Variants in NIPBL observed in about 807,000 individuals in gnomAD.
NIPBL encodes NIPBL cohesin loading factor.
Under a neutral mutation model 321.8 loss-of-function variants are expected in NIPBL, and 19 were observed. That is an observed-to-expected ratio of 0.06 (90% confidence interval 0.04 to 0.09). The LOEUF is 0.09. Ranked by LOEUF, NIPBL falls within the 10% of genes least tolerant of loss-of-function variation. NIPBL has a pLI of 1.00. For synonymous variants in NIPBL, 1,106 were observed against 1,114.1 expected, an observed-to-expected ratio of 0.99 and a Z score of 0.14; for missense variants, 2,210 against 3,327.0, an observed-to-expected ratio of 0.66 and a Z score of 8.26.
At chr5:37,052,591 A>T (rs754744667) in intron 42 of NIPBL, 25 bp downstream of exon 42, 20 of 1,575,566 alleles carry the variant, frequency 1.3e-5, no homozygotes, top group Non-Finnish European at 1.7e-5. Flanking sequence ...TTATTATTTT[A>T]AGAAAATAAG....
intron 10 of NIPBL, among the ~76,000 whole-genome samples, chr5:36,992,054 C>T (rs1745587524): frequency 6.6e-6 from 1 of 151,976 alleles, no homozygotes; most frequent in Non-Finnish European, 1.5e-5. Flanking sequence ...TGTAGCATAT[C>T]TAGGAGTAAA....
rs562593435 is a variant in NIPBL, at chr5:36,978,116, A to G, written c.1495+1714A>G. 2.6e-5 allele frequency among the ~76,000 whole-genome samples: 4 copies of G among 152,160 alleles called. No homozygotes were observed. In the South Asian group the frequency reaches 8.3e-4, roughly 32 times the overall value. On this transcript the variant is annotated intron_variant, in intron 9 of 46. Transcript: ENST00000282516. ...AAGTAATTTTTTTCCCTATGGATAG[A>G]AACCCAGTAGTGGGATTACTAGGTC... is the stretch of plus-strand genomic sequence containing the variant.
At chr5:36,961,090 A>T (rs1226090706) in intron 4 of NIPBL, among the ~76,000 whole-genome samples, 1 of 152,146 alleles carries the variant, frequency 6.6e-6, no homozygotes, top group Non-Finnish European at 1.5e-5. Context: ...AGCATGAGAG[A>T]TGTATATGAT....
At chr5:36,967,133 T>C (rs931098369) in intron 6 of NIPBL, among the ~76,000 whole-genome samples, 2 of 151,926 alleles carry the variant, frequency 1.3e-5, no homozygotes, top group Non-Finnish European at 2.9e-5. Context: ...ACTAAAGAAG[T>C]AAACAGGCAA....
At chr5:36,893,741 G>A (rs1413791524) in intron 1 of NIPBL, among the ~76,000 whole-genome samples, 4 of 152,122 alleles carry the variant, frequency 2.6e-5, no homozygotes, top group Admixed American at 2.6e-4. Context: ...AAGGAGCAAG[G>A]AATCATGTGA....
intron 35 of NIPBL, 50 bp downstream of exon 35, chr5:37,044,537 GTATTT>G (rs778275605): frequency 5.6e-6 from 9 of 1,595,624 alleles, no homozygotes; most frequent in Admixed American, 3.4e-5. Flanking sequence ...AAGTTCTAAT[GTATTT>G]TATTAAAATT....
At chr5:36,895,274 A>G (rs990272032) in intron 1 of NIPBL, among the ~76,000 whole-genome samples, 1 of 152,196 alleles carries the variant, frequency 6.6e-6, no homozygotes, top group Non-Finnish European at 1.5e-5. Context: ...TTAATTGCTC[A>G]TCTATATTGC....
intron 8 of NIPBL, among the ~76,000 whole-genome samples, chr5:36,973,481 C>G (rs1743105343): frequency 6.6e-6 from 1 of 151,686 alleles, no homozygotes; most frequent in South Asian, 2.1e-4. Flanking sequence ...TTCTTTCTTT[C>G]TTTTGAGACA....
chr5:36,885,255 G>A (rs1222956413), intron 1 of NIPBL: 3 of 524,998 alleles, frequency 5.7e-6, no homozygotes, highest in Non-Finnish European at 1.2e-5. Flanking sequence ...TGGTTCCTGG[G>A]CTCTGTCCAG....
chr5:36,938,804 A>G (rs1738745449), intron 1 of NIPBL, among the ~76,000 whole-genome samples: 1 of 152,210 alleles, frequency 6.6e-6, no homozygotes, highest in Non-Finnish European at 1.5e-5. Flanking sequence ...CTTCAAAACC[A>G]GGAAACTGAC....
intron 38 of NIPBL, among the ~76,000 whole-genome samples, chr5:37,047,246 A>G (rs1415238983): frequency 6.6e-6 from 1 of 152,178 alleles, no homozygotes; most frequent in East Asian, 1.9e-4. Context: ...GTACACGTAA[A>G]GCTACCCAAT....
At chr5:36,906,843 A>T (rs1747678493) in intron 1 of NIPBL, among the ~76,000 whole-genome samples, 1 of 152,086 alleles carries the variant, frequency 6.6e-6, no homozygotes, top group Non-Finnish European at 1.5e-5. Flanking sequence ...CCTCAAGGGG[A>T]ATTATTGTTA....
Position 36,975,996 on chromosome 5 carries a change from T to C in NIPBL, c.1089T>C (p.Ser363=). Residue 363 remains serine, a synonymous_variant, in exon 9 of 47, where the codon TCT becomes TCC. Coordinates refer to ENST00000282516, the MANE Select transcript of NIPBL (RefSeq NM_133433.4). ...KDSTKLTLRL[S]RVRSSDMDQQ... ...CTACTAAACTTACATTAAGACTTTC[T>C]CGTGTAAGGTCTTCAGACATGGACC... The C allele has an allele frequency of 6.2e-7, 1 of 1,614,108 alleles. No individual in the cohort carries two copies. Among genetic ancestry groups the C allele is most frequent in the Non-Finnish European group, 8.5e-7 (1 of 1,179,970 alleles).
chr5:37,044,561 A>C, intron 35 of NIPBL, 74 bp downstream of exon 35: 3 of 1,577,160 alleles, frequency 1.9e-6, no homozygotes, highest in Non-Finnish European at 1.7e-6. Context: ...TTTTTAAAGC[A>C]AATATTTGTA....
At chr5:36,933,721 G>A (rs1049722603) in intron 1 of NIPBL, among the ~76,000 whole-genome samples, 1 of 152,086 alleles carries the variant, frequency 6.6e-6, no homozygotes, top group Non-Finnish European at 1.5e-5. Flanking sequence ...GTAGCAGTAA[G>A]ATACCAGTTG....
chr5:36,915,846 A>G (rs1423573691), intron 1 of NIPBL, among the ~76,000 whole-genome samples: 1 of 152,184 alleles, frequency 6.6e-6, no homozygotes, highest in Non-Finnish European at 1.5e-5. Context: ...CCAACTGAAC[A>G]TACCAGGAAG....
chr5:37,055,034 T>TAAA (rs1316751925), intron 42 of NIPBL, among the ~76,000 whole-genome samples: 1 of 152,068 alleles, frequency 6.6e-6, no homozygotes, highest in Non-Finnish European at 1.5e-5. Context: ...ATTACTATGA[T>TAAA]AACAGTAGGG....
rs1579634910 is a variant in NIPBL at position 37,064,895 on chromosome 5, A to G, written c.*3A>G. On this transcript the variant is annotated 3_prime_UTR_variant, in exon 47 of 47. Transcript: ENST00000282516. ...CCAAGGATGGGACTTCCAGCTAATG[A>G]ATTTGTACATGCAGCCAAATTTACA... 6.2e-7 allele frequency: 1 copy of G among 1,614,174 alleles called. No homozygotes were observed. The highest frequency in any genetic ancestry group is 8.5e-7 in the Non-Finnish European group (1 of 1,180,012).
chr5:36,966,331 TG>T (rs1282391515), intron 6 of NIPBL, among the ~76,000 whole-genome samples: 2 of 152,134 alleles, frequency 1.3e-5, no homozygotes, highest in Non-Finnish European at 2.9e-5. Context: ...CACTCTTTTC[TG>T]CTGGTGTTGT....
Sources: allele counts gnomAD v4.1 joint callset (sites outside exome capture counted in the v4.1 genomes callset), GRCh38; gene constraint gnomAD v4.1.1; transcripts MANE v1.5; gene names NCBI Gene and HGNC (gene_info 2026-07-23, HGNC 2026-07-21).